Variants in ZNF224 observed in about 807,000 individuals in gnomAD.
ZNF224 encodes zinc finger protein 224, also known as bone marrow zinc finger 2.
ZNF224 carries 8 observed loss-of-function variants against 10.5 expected under a neutral mutation model. The observed-to-expected ratio is 0.76, with a 90% CI of 0.45 to 1.37. The LOEUF is 1.37. Ranked by LOEUF, ZNF224 falls within the 40% of genes most tolerant of loss-of-function variation. The pLI, the probability that ZNF224 is intolerant of heterozygous loss-of-function variation, is 0.00. For synonymous variants in ZNF224, 282 were observed against 287.8 expected, an observed-to-expected ratio of 0.98 and a Z score of 0.20; for missense variants, 754 against 854.0, an observed-to-expected ratio of 0.88 and a Z score of 1.46.
intron 5 of ZNF224, chr19:44,105,318 C>T (rs2147531626): frequency 6.6e-6 from 1 of 152,270 alleles, no homozygotes; most frequent in East Asian, 1.9e-4. Flanking sequence ...ACAATATAAA[C>T]ACAAATGTAC....
intron 5 of ZNF224, among the ~76,000 whole-genome samples, chr19:44,103,223 CTCTT>C (rs1967583739): frequency 6.6e-6 from 1 of 152,184 alleles, no homozygotes; most frequent in South Asian, 2.1e-4. Context: ...AAGAGACTCT[CTCTT>C]CTCCCCAAAA....
Position 44,109,667 on chromosome 19 carries a change from A to G in ZNF224, c.*1383A>G, listed in dbSNP as rs1967790088. 6.6e-6 allele frequency: 1 copy of G among 152,222 alleles called. No homozygotes were observed. Among genetic ancestry groups the G allele is most frequent in the African/African-American group, 2.4e-5 (1 of 41,466 alleles). 9.4% of individuals were successfully genotyped at this position (152,222 alleles called of 1,614,324 possible). ...GTCACTGCATTTTAAAATGGAAAGAACAAGTGTTCAAGAACAGGAATTTGT... is the reference window on the plus strand; with the variant it reads ...GTCACTGCATTTTAAAATGGAAAGAGCAAGTGTTCAAGAACAGGAATTTGT... On this transcript the variant is annotated 3_prime_UTR_variant, in exon 6 of 6. Transcript: ENST00000693561.
intron 3 of ZNF224, among the ~76,000 whole-genome samples, chr19:44,098,464 A>G (rs1967484702): frequency 6.6e-6 from 1 of 152,212 alleles, no homozygotes; most frequent in Non-Finnish European, 1.5e-5. Context: ...GGAAGTTTCC[A>G]CACAGGAAGA....
At chr19:44,097,744 G>A in intron 2 of ZNF224, 62 bp from the exon 3 acceptor site, 1 of 933,020 alleles carries the variant, frequency 1.1e-6, no homozygotes, top group Non-Finnish European at 1.7e-6. Context: ...ATCCCTGTTG[G>A]TGGGTGGCAT....
Position 44,107,377 on chromosome 19 carries a change from G to T in ZNF224, c.1217G>T (p.Gly406Val). The T allele has an allele frequency of 6.2e-7, 1 of 1,601,732 alleles. No individual in the cohort carries two copies. Among genetic ancestry groups the T allele is most frequent in the Non-Finnish European group, 8.5e-7 (1 of 1,175,144 alleles). ...GEKPFKCEEC[G>V]KGFYTNSQCY... ...AAACCATTCAAATGTGAAGAATGTG[G>T]GAAAGGATTTTACACAAATTCACAA... Residue 406 changes from glycine to valine, a missense_variant, in exon 6 of 6, where the codon GGG becomes GTG. By Grantham distance (109) the Gly-to-Val change is moderately radical. Transcript: ENST00000693561.
rs371401155 is a variant in ZNF224 at position 44,107,008 on chromosome 19, C to A, written c.848C>A (p.Thr283Lys). 6.2e-7 allele frequency: 1 copy of A among 1,608,910 alleles called. No individual in the cohort carries two copies. Among genetic ancestry groups the A allele is most frequent in the South Asian group, 1.1e-5 (1 of 90,314 alleles). ...SQLQEHQRIHTGEKPFKCDIC... is the reference protein window; with the variant it reads ...SQLQEHQRIHKGEKPFKCDIC... ...CTTCAAGAACATCAGAGAATCCATA[C>A]GGGGGAGAAGCCATTCAAATGTGAT... is the stretch of plus-strand genomic sequence containing the variant. Residue 283 changes from threonine to lysine, a missense_variant, in exon 6 of 6, where the codon ACG (threonine) becomes AAG (lysine). Thr to Lys is a moderately conservative substitution (Grantham distance 78). Transcript: ENST00000693561.
chr19:44,108,790 T>A lies in ZNF224; in HGVS notation c.*506T>A, dbSNP rs755393497. On this transcript the variant is annotated 3_prime_UTR_variant, in exon 6 of 6. Coordinates refer to ENST00000693561, the MANE Select transcript of ZNF224 (RefSeq NM_001321645.3). ...AATCAATGAAAGGATAAAACATATGTATGGATTTGGATACAATTTTGTGTA... is the reference window on the plus strand; with the variant it reads ...AATCAATGAAAGGATAAAACATATGAATGGATTTGGATACAATTTTGTGTA... The A allele has an allele frequency of 6.0e-6, 3 of 497,612 alleles. No individual in the cohort carries two copies. Among genetic ancestry groups the A allele is most frequent in the South Asian group, 4.3e-5 (3 of 68,998 alleles). The allele number at this position is 497,612 out of a possible 1,614,324, so 30.8% of individuals were successfully genotyped here. A position where few individuals can be genotyped will look rare whatever the true frequency, so the allele number is the denominator to read the frequency against.
chr19:44,094,452 A>G lies in ZNF224; in HGVS notation c.-236A>G, dbSNP rs560159565. The stretch of plus-strand genomic sequence containing the variant: ...TTCCGCGCGTTGCAGGCCCTTCTGA[A>G]TTTCCTGGACCTACGCATTGGATCC... On this transcript the variant is annotated 5_prime_UTR_variant, in exon 1 of 6. Coordinates refer to ENST00000693561, the MANE Select transcript of ZNF224 (RefSeq NM_001321645.3). 3.3e-5 allele frequency: 5 copies of G among 152,282 alleles called. No individual in the cohort carries two copies. In the South Asian group the frequency reaches 6.2e-4, roughly 19 times the overall value. The allele number at this position is 152,282 out of a possible 1,614,324, so 9.4% of individuals were successfully genotyped here. A position where few individuals can be genotyped will look rare whatever the true frequency, so the allele number is the denominator to read the frequency against.
chr19:44,107,181 G>C lies in ZNF224; in HGVS notation c.1021G>C (p.Glu341Gln), dbSNP rs1417478576. ...TAGTCATCGCATGATCCACACAGGA[G>C]AGAAACCATACAAATGTGAGGAGTG... ...LNSHRMIHTG[E>Q]KPYKCEECGK... The change falls in exon 6 of 6, where the codon GAG becomes CAG. Residue 341 changes from glutamate to glutamine, a missense_variant. Glu to Gln is a conservative substitution (Grantham distance 29). Transcript: ENST00000693561. 1 of 1,606,476 alleles carries C rather than the reference G, an allele frequency of 6.2e-7. No individual in the cohort carries two copies. Among genetic ancestry groups the C allele is most frequent in the Non-Finnish European group, 8.5e-7 (1 of 1,176,220 alleles).
chr19:44,103,992 C>G (rs1967597658), intron 5 of ZNF224, among the ~76,000 whole-genome samples: 1 of 152,074 alleles, frequency 6.6e-6, no homozygotes, highest in Non-Finnish European at 1.5e-5. Flanking sequence ...TGCCTAGCCT[C>G]TGGTCTTTTT....
In ZNF224 at chr19:44,107,412, C is replaced by T. The variant is rs1967704261; in HGVS notation, c.1252C>T (p.His418Tyr). The part of the protein sequence containing the change: ...GFYTNSQCYS[H>Y]QRSHSGEKPY... ...TTACACAAATTCACAATGCTATTCC[C>T]ACCAGAGATCCCATAGTGGAGAAAA... Residue 418 changes from histidine to tyrosine, a missense_variant, in exon 6 of 6, where the codon CAC becomes TAC. Physicochemically the swap from His to Tyr is moderately conservative, Grantham distance 83 (BLOSUM62 2). Transcript: ENST00000693561. 1 of 1,608,492 alleles carries T rather than the reference C, an allele frequency of 6.2e-7. No homozygotes were observed. Among genetic ancestry groups the T allele is most frequent in the Non-Finnish European group, 8.5e-7 (1 of 1,177,968 alleles).
rs770661817 is a variant in ZNF224, at chr19:44,106,988, A to G, written c.828A>G (p.Gln276=). Residue 276 remains glutamine (Q), a synonymous_variant, in exon 6 of 6, where the codon CAA becomes CAG. Coordinates refer to ENST00000693561, the MANE Select transcript of ZNF224 (RefSeq NM_001321645.3). ...GKAFIHDSQL[Q]EHQRIHTGEK... The stretch of plus-strand genomic sequence containing the variant: ...CCTTCATTCACGATTCCCAGCTTCA[A>G]GAACATCAGAGAATCCATACGGGGG... The G allele has an allele frequency of 6.2e-7, 1 of 1,610,460 alleles. No homozygotes were observed. The highest frequency in any genetic ancestry group is 1.3e-5 in the African/African-American group (1 of 74,922).
chr19:44,103,654 A>T (rs921816985), intron 5 of ZNF224, among the ~76,000 whole-genome samples: 2 of 151,894 alleles, frequency 1.3e-5, no homozygotes, highest in African/African-American at 4.8e-5. Context: ...ATAAAGGAGT[A>T]TTTATCTATA....
Position 44,107,140 on chromosome 19 carries a change from A to G in ZNF224, c.980A>G (p.Gln327Arg). 6.2e-7 allele frequency: 1 copy of G among 1,606,644 alleles called. No individual in the cohort carries two copies. The highest frequency in any genetic ancestry group is 1.1e-5 in the South Asian group (1 of 89,994). Reference protein sequence around the residue: ...RCDTCDKSFRQRSALNSHRMI... With the variant: ...RCDTCDKSFRRRSALNSHRMI... ...GATACGTGTGATAAGAGCTTTCGTC[A>G]GAGATCAGCACTTAATAGTCATCGC... The change falls in exon 6 of 6, where the codon CAG becomes CGG. Residue 327 changes from glutamine to arginine, a missense_variant. Physicochemically the swap from Gln to Arg is conservative, Grantham distance 43. Transcript: ENST00000693561.
chr19:44,101,297 A>G (rs1967546172), intron 5 of ZNF224, 72 bp downstream of exon 5: 3 of 1,506,558 alleles, frequency 2.0e-6, no homozygotes, highest in African/African-American at 1.4e-5. Flanking sequence ...GCTCAAATCC[A>G]TTGCCCTGGC....
rs1372995953 is a variant in ZNF224 at position 44,107,792 on chromosome 19, A to G, written c.1632A>G (p.Glu544=). 9.4e-6 allele frequency: 15 copies of G among 1,601,192 alleles called. No homozygotes were observed. The highest frequency in any genetic ancestry group is 1.3e-5 in the Non-Finnish European group (15 of 1,172,382). ...GAGAGAGACCATACAATTGTAAGGA[A>G]TGTGGGAAGAGTTTTGGCTGGGCCT... is the stretch of plus-strand genomic sequence containing the variant. ...HTGERPYNCK[E]CGKSFGWASC... Residue 544 remains glutamate (E), a synonymous_variant, in exon 6 of 6, where the codon GAA becomes GAG. Coordinates refer to ENST00000693561, the MANE Select transcript of ZNF224 (RefSeq NM_001321645.3).
intron 2 of ZNF224, chr19:44,097,058 G>T (rs555128568): frequency 2.6e-4 from 60 of 230,804 alleles, no homozygotes; most frequent in African/African-American, 1.2e-3. Context: ...TGGCCGAGAC[G>T]CTGTCTTTCA....
Position 44,106,887 on chromosome 19 carries a change from C to A in ZNF224, c.727C>A (p.Arg243Ser), listed in dbSNP as rs762678461. The A allele has an allele frequency of 1.2e-6, 2 of 1,609,296 alleles. No individual in the cohort carries two copies. The highest frequency in any genetic ancestry group is 1.7e-6 in the Non-Finnish European group (2 of 1,176,876). ...KCVECGKGFS[R>S]RSALNVHHKL... is the part of the protein sequence containing the mutation. ...TGTGGAATGTGGGAAAGGCTTCAGT[C>A]GTAGATCAGCACTTAATGTTCATCA... The change falls in exon 6 of 6, where the codon CGT becomes AGT. Residue 243 changes from arginine to serine, a missense_variant. Arg to Ser is a moderately radical substitution (Grantham distance 110, BLOSUM62 -1). Coordinates refer to ENST00000693561, the MANE Select transcript of ZNF224 (RefSeq NM_001321645.3).
Position 44,099,904 on chromosome 19 carries a change from G to A in ZNF224, c.16-897G>A, listed in dbSNP as rs1386323317. 2.0e-5 allele frequency among the ~76,000 whole-genome samples: 3 copies of A among 151,942 alleles called. No homozygotes were observed. In the South Asian group the frequency reaches 6.2e-4, roughly 31 times the overall value. On this transcript the variant is annotated intron_variant, in intron 3 of 5. Transcript: ENST00000693561. ...TGTTATTTAAAACTTACTTTAAATA[G>A]GAGAGTAAGATCTACCTGAAATGTT...
Sources: gnomAD v4.1 joint callset for allele counts (sites outside exome capture counted in the v4.1 genomes callset) on GRCh38, gnomAD v4.1.1 for gene constraint, MANE v1.5 for transcripts, NCBI Gene and HGNC (gene_info 2026-07-23, HGNC 2026-07-21) for gene names.